The following CSMD1 variants were observed in gnomAD, a reference collection of about 807,000 sequenced individuals.
The protein encoded by CSMD1 is CUB and Sushi multiple domains 1, also known as CUB and sushi domain-containing protein 1.
Under a neutral mutation model 417.5 loss-of-function variants are expected in CSMD1, and 213 were observed. That is an observed-to-expected ratio of 0.51 (90% CI 0.46 to 0.57). The LOEUF (loss-of-function observed/expected upper bound fraction) is 0.57, where lower values mean the gene tolerates loss of function less well. Among genes scored for constraint, CSMD1 ranks in the 20% least tolerant of loss-of-function variants. CSMD1 has a pLI of 0.00. For missense variants in CSMD1, 6,923 were observed against 4,529.7 expected, an observed-to-expected ratio of 1.53 and a Z score of -15.17; for synonymous variants, 2,862 against 1,736.8, an observed-to-expected ratio of 1.65 and a Z score of -16.11.
At chr8:4,903,481 C>A (rs930945930) in intron 1 of CSMD1, among the ~76,000 whole-genome samples, 1 of 152,100 alleles carries the variant, frequency 6.6e-6, no homozygotes, top group Non-Finnish European at 1.5e-5. Context: ...AAATGTATAT[C>A]GTTAATGTTT....
chr8:3,928,490 G>A (rs1413613801), intron 5 of CSMD1, among the ~76,000 whole-genome samples: 1 of 151,312 alleles, frequency 6.6e-6, no homozygotes, highest in African/African-American at 2.4e-5. Flanking sequence ...ATGCAGTTAA[G>A]TGGAACAGGG....
intron 5 of CSMD1, among the ~76,000 whole-genome samples, chr8:3,863,313 C>A (rs1804847615): frequency 6.7e-6 from 1 of 150,158 alleles, no homozygotes; most frequent in Non-Finnish European, 1.5e-5. Flanking sequence ...AGGAGAATCG[C>A]TTGAACCCAG....
At chr8:4,811,582 C>A (rs974558321) in intron 1 of CSMD1, among the ~76,000 whole-genome samples, 1 of 152,048 alleles carries the variant, frequency 6.6e-6, no homozygotes, top group Admixed American at 6.6e-5. Context: ...GAGGCTCATC[C>A]TTTGGCAATA....
chr8:3,181,211 G>A lies in CSMD1; in HGVS notation c.5624C>T (p.Thr1875Ile). The change falls in exon 37 of 70, where the codon ACC (threonine) becomes ATC (isoleucine). Residue 1875 changes from threonine (T) to isoleucine (I), a missense_variant. Transcript: ENST00000635120. The part of the protein sequence containing the change: ...TAPRLGSFSG[T>I]TVPALLNSTS... Reference sequence around the variant, plus strand: ...ACTGTTCAGCAGTGCCGGTACTGTGGTGCCTGTAAGAAACAATGCAGATAG... The same window carrying A: ...ACTGTTCAGCAGTGCCGGTACTGTGATGCCTGTAAGAAACAATGCAGATAG... The A allele has an allele frequency of 6.2e-7, 1 of 1,609,326 alleles. No homozygotes were observed. Among genetic ancestry groups the A allele is most frequent in the Non-Finnish European group, 8.5e-7 (1 of 1,175,926 alleles).
At chr8:4,799,225 T>C (rs1798148571) in intron 1 of CSMD1, among the ~76,000 whole-genome samples, 1 of 151,756 alleles carries the variant, frequency 6.6e-6, no homozygotes, top group African/African-American at 2.4e-5. Flanking sequence ...ACTGTAAGAG[T>C]GAAACGGTAA....
chr8:3,659,115 G>C (rs868028674), intron 7 of CSMD1, among the ~76,000 whole-genome samples: 1 of 152,092 alleles, frequency 6.6e-6, no homozygotes. Flanking sequence ...AATTTACATA[G>C]ATAGCACATA....
At chr8:3,209,046 G>C (rs138503571) in intron 30 of CSMD1, among the ~76,000 whole-genome samples, 1 of 152,156 alleles carries the variant, frequency 6.6e-6, no homozygotes, top group East Asian at 1.9e-4. Context: ...AACACTTTGT[G>C]CAAGCATAGA....
intron 3 of CSMD1, among the ~76,000 whole-genome samples, chr8:4,304,129 T>G (rs1798126031): frequency 6.6e-6 from 1 of 152,336 alleles, no homozygotes; most frequent in African/African-American, 2.4e-5. Context: ...TTTAGGCTAC[T>G]ATTTGAATTT....
intron 10 of CSMD1, among the ~76,000 whole-genome samples, chr8:3,539,838 T>G (rs1486302529): frequency 6.6e-6 from 1 of 151,796 alleles, no homozygotes; most frequent in Non-Finnish European, 1.5e-5. Flanking sequence ...TAAGGTGCCG[T>G]GGAAAATCTG....
intron 46 of CSMD1, among the ~76,000 whole-genome samples, chr8:3,106,279 C>T (rs982604947): frequency 6.6e-6 from 1 of 151,314 alleles, no homozygotes; most frequent in Non-Finnish European, 1.5e-5. Context: ...TGCATGTAGT[C>T]CCAGTTACTC....
chr8:3,408,887 C>G (rs949392177), intron 13 of CSMD1, among the ~76,000 whole-genome samples: 2 of 152,068 alleles, frequency 1.3e-5, no homozygotes, highest in South Asian at 2.1e-4. Flanking sequence ...TTTGTACACA[C>G]TTTTCAGCCT....
chr8:3,773,986 G>A (rs983942673), intron 5 of CSMD1, among the ~76,000 whole-genome samples: 4 of 152,082 alleles, frequency 2.6e-5, no homozygotes, highest in Non-Finnish European at 4.4e-5. Context: ...GCATCTATTT[G>A]CTCTTAATTC....
chr8:3,796,777 ATTC>A (rs1800178718), intron 5 of CSMD1, among the ~76,000 whole-genome samples: 1 of 151,286 alleles, frequency 6.6e-6, no homozygotes, highest in Admixed American at 6.6e-5. Flanking sequence ...TGATCATCAT[ATTC>A]TTGAAATTCC....
intron 3 of CSMD1, among the ~76,000 whole-genome samples, chr8:4,406,255 G>A (rs766635899): frequency 1.4e-4 from 21 of 152,100 alleles, no homozygotes; most frequent in Non-Finnish European, 1.3e-4. Flanking sequence ...GGCTCTCCTG[G>A]TGCATTTGCC....
chr8:4,942,129 C>A (rs1216112385), intron 1 of CSMD1, among the ~76,000 whole-genome samples: 1 of 152,174 alleles, frequency 6.6e-6, no homozygotes, highest in Non-Finnish European at 1.5e-5. Context: ...CTCTTCCAAT[C>A]AAAGTATAAT....
chr8:4,965,534 G>A (rs1386790629), intron 1 of CSMD1, among the ~76,000 whole-genome samples: 1 of 152,168 alleles, frequency 6.6e-6, no homozygotes, highest in East Asian at 1.9e-4. Context: ...TGTGGCCCTG[G>A]CCAAACTGTT....
chr8:4,209,978 G>A (rs893456979), intron 3 of CSMD1, among the ~76,000 whole-genome samples: 1 of 152,188 alleles, frequency 6.6e-6, no homozygotes, highest in Non-Finnish European at 1.5e-5. Context: ...TGGAGGAGGT[G>A]TCTTATGAAA....
rs956443670 is a variant in CSMD1, at chr8:4,267,946, A to G, written c.415+152007T>C. Among the ~76,000 whole-genome samples the G allele has an allele frequency of 9.2e-5, 14 of 152,274 alleles. No homozygotes were observed. The East Asian group carries it at 2.7e-3, about 29-fold the overall frequency. On this transcript the variant is annotated intron_variant, in intron 3 of 69. Coordinates refer to ENST00000635120, the MANE Select transcript of CSMD1 (RefSeq NM_033225.6). ...CTTATTCATGCCTCATATATATTCAAACTACATTTTTGGATCTATTTTCTA... is the reference window on the plus strand; with the variant it reads ...CTTATTCATGCCTCATATATATTCAGACTACATTTTTGGATCTATTTTCTA...
chr8:4,071,115 C>G (rs1213945246), intron 3 of CSMD1, among the ~76,000 whole-genome samples: 5 of 150,790 alleles, frequency 3.3e-5, no homozygotes, highest in Non-Finnish European at 5.9e-5. Flanking sequence ...ACTCTTGAGT[C>G]TTTTTTTTTC....
Sources: allele counts gnomAD v4.1 joint callset (sites outside exome capture counted in the v4.1 genomes callset), GRCh38; gene constraint gnomAD v4.1.1; transcripts MANE v1.5; gene names NCBI Gene and HGNC (gene_info 2026-07-23, HGNC 2026-07-21).